Variants in ADGRF4 observed in about 807,000 individuals in gnomAD.
ADGRF4 encodes the protein adhesion G protein-coupled receptor F4.
ADGRF4 carries 63 observed loss-of-function variants against 58.5 expected under a neutral mutation model. The observed-to-expected ratio is 1.08, with a 90% CI of 0.88 to 1.33. ADGRF4 has a LOEUF of 1.33. Among genes scored for constraint, ADGRF4 ranks in the 40% most tolerant of loss-of-function variants. The pLI is 0.00. For missense variants in ADGRF4, 931 were observed against 843.9 expected (o/e 1.10, Z -1.28); for synonymous variants, 313 against 295.4 (o/e 1.06, Z -0.61).
At chr6:47,707,483 AG>A (rs1213307088) in intron 2 of ADGRF4, 145 bp downstream of exon 2, 1 of 641,882 alleles carries the variant, frequency 1.6e-6, no homozygotes, top group Non-Finnish European at 2.8e-6. Context: ...TTTCTAAAGA[AG>A]GGAACAAAGA....
intron 3 of ADGRF4, among the ~76,000 whole-genome samples, chr6:47,708,834 A>G (rs931967120): frequency 6.6e-6 from 1 of 152,216 alleles, no homozygotes; most frequent in Non-Finnish European, 1.5e-5. Context: ...TGGCAAATAC[A>G]TTCTTATATA....
intron 1 of ADGRF4, among the ~76,000 whole-genome samples, chr6:47,704,532 G>A (rs1430074334): frequency 1.3e-5 from 2 of 152,152 alleles, no homozygotes; most frequent in Non-Finnish European, 2.9e-5. Context: ...GTGAAGGCTA[G>A]CAAAGAGAAA....
At position 47,714,874 on chromosome 6, in the gene ADGRF4, C is replaced by T. The variant is rs1581697988; in HGVS notation, c.1629C>T (p.Tyr543=). Residue 543 remains tyrosine, a synonymous_variant, in exon 6 of 10, where the codon TAC becomes TAT. Transcript: ENST00000283303. ...TVAITEPEKG[Y]MRPEACWLNW... ...CTATCACAGAGCCAGAGAAAGGCTACATGAGACCTGAGGCCTGTTGGCTTA... is the reference window on the plus strand; with the variant it reads ...CTATCACAGAGCCAGAGAAAGGCTATATGAGACCTGAGGCCTGTTGGCTTA... 2 of 1,609,654 alleles carry T rather than the reference C, an allele frequency of 1.2e-6. No homozygotes were observed. Among genetic ancestry groups the T allele is most frequent in the Middle Eastern group, 1.7e-4 (1 of 6,046 alleles).
intron 8 of ADGRF4, 143 bp from the exon 9 acceptor site, chr6:47,718,246 A>G (rs1420446436): frequency 6.6e-6 from 4 of 602,416 alleles, no homozygotes; most frequent in Non-Finnish European, 9.1e-6. Context: ...TCAGTGAAAT[A>G]TGATAATTTA....
At position 47,707,318 on chromosome 6, in the gene ADGRF4, A is replaced by G; in HGVS notation, c.73A>G (p.Arg25Gly). The part of the protein sequence containing the change: ...FFLSTECSHY[R>G]SKIHLKAGDK... ...TCTGTCCACAGAATGTTCCCACTAT[A>G]GATCCAAGATTCACCTAAAAGTAAG... The change falls in exon 2 of 10, where the codon AGA (arginine) becomes GGA (glycine). Residue 25 changes from arginine (R) to glycine (G), a missense_variant. By Grantham distance (125) the Arg-to-Gly change is moderately radical (BLOSUM62 -2). Transcript: ENST00000283303. 1 of 1,609,816 alleles carries G rather than the reference A, an allele frequency of 6.2e-7. No individual in the cohort carries two copies. Among genetic ancestry groups the G allele is most frequent in the Non-Finnish European group, 8.5e-7 (1 of 1,176,066 alleles).
chr6:47,714,977 T>C lies in ADGRF4; in HGVS notation c.1732T>C (p.Leu578=). ...TGTGGCTGTAAATCTGATTGTGGTT[T>C]TGGTTGTTGCTGTCAACACTCAGAG... ...VIVAVNLIVV[L]VVAVNTQRPS... is the part of the protein sequence containing the mutation. Residue 578 remains leucine, a synonymous_variant, in exon 6 of 10, where the codon TTG becomes CTG. Coordinates refer to ENST00000283303, the MANE Select transcript of ADGRF4 (RefSeq NM_153838.5). The C allele has an allele frequency of 1.9e-6, 3 of 1,613,494 alleles. No homozygotes were observed. In the East Asian group the frequency reaches 6.7e-5, roughly 36 times the overall value.
intron 9 of ADGRF4, among the ~76,000 whole-genome samples, chr6:47,720,331 C>T (rs1272352350): frequency 6.6e-6 from 1 of 152,094 alleles, no homozygotes. Flanking sequence ...GTGTTCCAGA[C>T]CTTCACCAAG....
rs1771895956 is a variant in ADGRF4 at position 47,712,465 on chromosome 6, A to G, written c.409A>G (p.Lys137Glu). ...TIESVAQGIRKNCPFDYACIT... is the reference protein window; with the variant it reads ...TIESVAQGIRENCPFDYACIT... ...TGAGAGTGTAGCTCAAGGAATCCGT[A>G]AGAACTGCCCCTTTGATTATGCCTG... The change falls in exon 5 of 10, where the codon AAG becomes GAG. Residue 137 changes from lysine (K) to glutamate (E), a missense_variant. Coordinates refer to ENST00000283303, the MANE Select transcript of ADGRF4 (RefSeq NM_153838.5). 2.5e-6 allele frequency: 4 copies of G among 1,614,044 alleles called. No homozygotes were observed. Among genetic ancestry groups the G allele is most frequent in the Admixed American group, 3.3e-5 (2 of 60,006 alleles).
intron 3 of ADGRF4, among the ~76,000 whole-genome samples, chr6:47,710,172 T>G (rs954579554): frequency 4.6e-5 from 7 of 152,192 alleles, no homozygotes; most frequent in Non-Finnish European, 1.0e-4. Flanking sequence ...TATATTACCC[T>G]AGGAGCAATT....
Position 47,715,029 on chromosome 6 carries a change from A to G in ADGRF4, c.1784A>G (p.Gln595Arg). 6.2e-7 allele frequency: 1 copy of G among 1,613,466 alleles called. No homozygotes were observed. The highest frequency in any genetic ancestry group is 8.5e-7 in the Non-Finnish European group (1 of 1,179,400). The change falls in exon 6 of 10, where the codon CAG (glutamine) becomes CGG (arginine). Residue 595 changes from glutamine (Q) to arginine (R), a missense_variant. Gln to Arg is a conservative substitution (Grantham distance 43). Coordinates refer to ENST00000283303, the MANE Select transcript of ADGRF4 (RefSeq NM_153838.5). ...CCCTCTATTGGCAGTTCCAAGTCTC[A>G]GGATGTGGTCATAATTATGAGGATC... ...QRPSIGSSKSQDVVIIMRISK... is the reference protein window; with the variant it reads ...QRPSIGSSKSRDVVIIMRISK...
Position 47,714,771 on chromosome 6 carries a change from T to C in ADGRF4, c.1526T>C (p.Met509Thr), listed in dbSNP as rs763184221. The change falls in exon 6 of 10, where the codon ATG (methionine) becomes ACG (threonine). Residue 509 changes from methionine (M) to threonine (T), a missense_variant. Transcript: ENST00000283303. ...GGAATATTGGTCATTTTCCGTAGGATGATGAAGTCCCGAATGATGGTCATT... is the reference window on the plus strand; with the variant it reads ...GGAATATTGGTCATTTTCCGTAGGACGATGAAGTCCCGAATGATGGTCATT... ...IYGILVIFRR[M>T]MKSRMMVIGF... The C allele has an allele frequency of 1.2e-6, 2 of 1,613,972 alleles. No individual in the cohort carries two copies. The highest frequency in any genetic ancestry group is 2.2e-5 in the South Asian group (2 of 91,082).
chr6:47,708,629 T>A (rs987121855), intron 3 of ADGRF4, among the ~76,000 whole-genome samples: 1 of 152,220 alleles, frequency 6.6e-6, no homozygotes, highest in Non-Finnish European at 1.5e-5. Context: ...TTCAGGGTGC[T>A]TAAATGTATG....
chr6:47,704,421 A>G (rs759072883), intron 1 of ADGRF4, among the ~76,000 whole-genome samples: 2 of 152,034 alleles, frequency 1.3e-5, no homozygotes, highest in Non-Finnish European at 2.9e-5. Context: ...TGTGGAGAGG[A>G]ATTGGGTTTG....
intron 5 of ADGRF4, 78 bp downstream of exon 5, chr6:47,712,686 G>A (rs1186921547): frequency 2.8e-6 from 3 of 1,077,170 alleles, no homozygotes; most frequent in Admixed American, 2.2e-5. Flanking sequence ...ACTTTCCAGG[G>A]CAAAAACTAC....
chr6:47,699,256 C>T lies in ADGRF4; in HGVS notation c.-17+462C>T, dbSNP rs989719858. ...CCAGTTACTGCCAAACACGTTTTTG[C>T]AAAGGCATCTTCCCTTGTTTCAAGT... On this transcript the variant is annotated intron_variant, in intron 1 of 9. Coordinates refer to ENST00000283303, the MANE Select transcript of ADGRF4 (RefSeq NM_153838.5). Among the ~76,000 whole-genome samples, 4 of 152,344 alleles carry T rather than the reference C, an allele frequency of 2.6e-5. No homozygotes were observed. In the South Asian group the frequency reaches 8.3e-4, roughly 32 times the overall value.
At chr6:47,715,315 G>A (rs1368228739) in intron 6 of ADGRF4, 138 bp downstream of exon 6, 2 of 682,238 alleles carry the variant, frequency 2.9e-6, no homozygotes, top group East Asian at 5.2e-5. Flanking sequence ...TGGCATCTGT[G>A]ACTGTATTGA....
At chr6:47,700,565 A>T (rs1048919747) in intron 1 of ADGRF4, among the ~76,000 whole-genome samples, 4 of 152,212 alleles carry the variant, frequency 2.6e-5, no homozygotes, top group African/African-American at 9.7e-5. Flanking sequence ...GTGTGGAAAA[A>T]GACACATGCA....
chr6:47,707,487 A>G (rs1313754857), intron 2 of ADGRF4, 149 bp downstream of exon 2: 1 of 637,630 alleles, frequency 1.6e-6, no homozygotes, highest in Admixed American at 2.5e-5. Context: ...TAAAGAAGGG[A>G]ACAAAGAAAA....
intron 1 of ADGRF4, among the ~76,000 whole-genome samples, chr6:47,703,614 T>C (rs998985815): frequency 3.9e-5 from 6 of 152,230 alleles, no homozygotes; most frequent in Non-Finnish European, 8.8e-5. Context: ...TAGTTACATA[T>C]GCCAGACTAT....
Sources: gnomAD v4.1 joint callset for allele counts (sites outside exome capture counted in the v4.1 genomes callset) on GRCh38, gnomAD v4.1.1 for gene constraint, MANE v1.5 for transcripts, NCBI Gene and HGNC (gene_info 2026-07-23, HGNC 2026-07-21) for gene names.